Variants in FRAS1 observed in about 807,000 individuals in gnomAD.
FRAS1 encodes the protein extracellular matrix organizing protein FRAS1.
In FRAS1, 290 loss-of-function variants were observed where a neutral mutation model predicts 435.2. That is an observed-to-expected ratio of 0.67 (90% CI 0.61 to 0.73). FRAS1 has a LOEUF of 0.73. FRAS1 is among the 30% of genes least tolerant of loss of function. The pLI is 0.00. For missense variants in FRAS1, 4,860 were observed against 5,001.5 expected (o/e 0.97, Z 0.85); for synonymous variants, 1,800 against 1,851.0 (o/e 0.97, Z 0.71).
chr4:78,333,560 GA>G, intron 19 of FRAS1, 148 bp downstream of exon 19: 1 of 776,646 alleles, frequency 1.3e-6, no homozygotes, highest in Non-Finnish European at 2.0e-6. Context: ...TCAAAGTATA[GA>G]GGGAGGGGAA....
chr4:78,512,293 T>A (rs1721066188), intron 64 of FRAS1, among the ~76,000 whole-genome samples: 1 of 152,218 alleles, frequency 6.6e-6, no homozygotes, highest in South Asian at 2.1e-4. Flanking sequence ...AAAAATGAGT[T>A]CCTTTGTATG....
chr4:78,313,733 T>C (rs905561921), intron 15 of FRAS1, among the ~76,000 whole-genome samples: 7 of 152,324 alleles, frequency 4.6e-5, no homozygotes, highest in Non-Finnish European at 8.8e-5. Context: ...AAAAATTCTT[T>C]CCAGTTTCTA....
intron 2 of FRAS1, among the ~76,000 whole-genome samples, chr4:78,210,453 C>T (rs746491464): frequency 1.3e-5 from 2 of 152,230 alleles, no homozygotes; most frequent in South Asian, 4.1e-4. Context: ...GCACCAAATA[C>T]AGTGTCTGGT....
At chr4:78,113,064 G>A (rs1391140321) in intron 2 of FRAS1, among the ~76,000 whole-genome samples, 1 of 152,140 alleles carries the variant, frequency 6.6e-6, no homozygotes, top group East Asian at 1.9e-4. Context: ...ACCTATGAGT[G>A]AGAACATGCG....
chr4:78,305,161 G>T (rs1303265657), intron 14 of FRAS1, among the ~76,000 whole-genome samples: 2 of 151,882 alleles, frequency 1.3e-5, no homozygotes, highest in Non-Finnish European at 2.9e-5. Context: ...TTTCCATGTA[G>T]TTGAGTGGTT....
intron 2 of FRAS1, among the ~76,000 whole-genome samples, chr4:78,130,748 G>T (rs1719643547): frequency 6.6e-6 from 1 of 152,130 alleles, no homozygotes; most frequent in Non-Finnish European, 1.5e-5. Flanking sequence ...AGAGAGAAAA[G>T]GGTAAAGTCA....
intron 27 of FRAS1, among the ~76,000 whole-genome samples, chr4:78,381,517 T>A (rs1173564856): frequency 6.6e-6 from 1 of 152,234 alleles, no homozygotes; most frequent in Non-Finnish European, 1.5e-5. Context: ...CTCGAACTCC[T>A]GACTGCAAGT....
rs6821315 is a variant in FRAS1, at chr4:78,266,773, G to T, written c.688-61G>T. ...AAAATTGGGTGTCTTATGTGACAGTGCTTCTATTTGATGTATGGGACATTT... is the reference window on the plus strand; with the variant it reads ...AAAATTGGGTGTCTTATGTGACAGTTCTTCTATTTGATGTATGGGACATTT... On this transcript the variant is annotated intron_variant, in intron 7 of 73. Coordinates refer to ENST00000512123, the MANE Select transcript of FRAS1 (RefSeq NM_025074.7). 9 of 1,254,152 alleles carry T rather than the reference G, an allele frequency of 7.2e-6. No homozygotes were observed. The African/African-American group carries it at 1.3e-4, about 19-fold the overall frequency. 77.7% of individuals were successfully genotyped at this position (1,254,152 alleles called of 1,614,324 possible). A position where few individuals can be genotyped will look rare whatever the true frequency, so the allele number is the denominator to read the frequency against.
chr4:78,421,712 A>G, intron 33 of FRAS1, 151 bp from the exon 34 acceptor site: 1 of 811,524 alleles, frequency 1.2e-6, no homozygotes, highest in African/African-American at 1.7e-5. Flanking sequence ...TTAAATAACC[A>G]GAGAGTGGCA....
Position 78,407,661 on chromosome 4 carries a change from AG to A in FRAS1, c.4132del. On this transcript the variant is annotated splice_acceptor_variant, in intron 30 of 73. Coordinates refer to ENST00000512123, the MANE Select transcript of FRAS1 (RefSeq NM_025074.7). LOFTEE classifies it high-confidence loss of function. Reference sequence around the variant, plus strand: ...CTAACTATGTGGCCTGTGCCTTCCTAGGGGAGGTGGTCCTTCTAGTGAATAT... The same window carrying A: ...CTAACTATGTGGCCTGTGCCTTCCTAGGGAGGTGGTCCTTCTAGTGAATAT... 1 of 1,610,174 alleles carries A rather than the reference AG, an allele frequency of 6.2e-7. No homozygotes were observed. The highest frequency in any genetic ancestry group is 8.5e-7 in the Non-Finnish European group (1 of 1,178,246).
At chr4:78,191,846 C>T (rs1431190999) in intron 2 of FRAS1, among the ~76,000 whole-genome samples, 5 of 152,160 alleles carry the variant, frequency 3.3e-5, no homozygotes, top group African/African-American at 4.8e-5. Context: ...CCAGCTTCAT[C>T]CATGTCCCTA....
intron 2 of FRAS1, among the ~76,000 whole-genome samples, chr4:78,164,643 G>A (rs140516583): frequency 1.3e-5 from 2 of 152,092 alleles, no homozygotes; most frequent in African/African-American, 2.4e-5. Context: ...TGTTAAAAAC[G>A]TTTTTAAAAA....
chr4:78,320,850 C>A (rs1431986066), intron 18 of FRAS1, among the ~76,000 whole-genome samples: 1 of 152,110 alleles, frequency 6.6e-6, no homozygotes, highest in African/African-American at 2.4e-5. Flanking sequence ...CCAAGTGAGA[C>A]CCCTGGCTTT....
Position 78,475,539 on chromosome 4 carries a change from C to T in FRAS1, c.7784C>T (p.Thr2595Ile). The change falls in exon 54 of 74, where the codon ACC (threonine) becomes ATC (isoleucine). Residue 2595 changes from threonine (T) to isoleucine (I), a missense_variant. Physicochemically the swap from Thr to Ile is moderately conservative, Grantham distance 89 (BLOSUM62 -1). Transcript: ENST00000512123. ...GTCCTGTGTCGCACCGAGCAAGGCA[C>T]CGCCAGCTCCAGCTCCAGGGTCAGC... ...AIVLCRTEQG[T>I]ASSSSRVSSQ... 3.7e-6 allele frequency: 6 copies of T among 1,613,718 alleles called. No individual in the cohort carries two copies. Among genetic ancestry groups the T allele is most frequent in the Non-Finnish European group, 5.1e-6 (6 of 1,179,718 alleles).
chr4:78,092,506 T>C (rs1741585135), intron 2 of FRAS1, among the ~76,000 whole-genome samples: 1 of 152,200 alleles, frequency 6.6e-6, no homozygotes, highest in South Asian at 2.1e-4. Context: ...ACAGCTCTCA[T>C]GAGACCCAGT....
At chr4:78,116,653 C>T (rs1018417863) in intron 2 of FRAS1, among the ~76,000 whole-genome samples, 3 of 152,128 alleles carry the variant, frequency 2.0e-5, no homozygotes, top group Non-Finnish European at 4.4e-5. Flanking sequence ...GGATTGCAAT[C>T]CCTGCCTTTT....
chr4:78,276,223 T>G (rs1338266228), intron 9 of FRAS1, among the ~76,000 whole-genome samples: 1 of 152,212 alleles, frequency 6.6e-6, no homozygotes, highest in Admixed American at 6.5e-5. Context: ...TGTCTAATCT[T>G]TTTTCAAGGT....
chr4:78,144,451 AGTGTGTGTGTGT>A (rs144059150), intron 2 of FRAS1, among the ~76,000 whole-genome samples: 1 of 146,500 alleles, frequency 6.8e-6, no homozygotes, highest in South Asian at 2.2e-4. Context: ...TTTTAAAATA[AGTGTGTGTGTGT>A]GTGTGTGTGT....
chr4:78,317,478 G>C lies in FRAS1; in HGVS notation c.1930G>C (p.Gly644Arg), dbSNP rs774824172. The C allele has an allele frequency of 3.7e-6, 6 of 1,613,562 alleles. No homozygotes were observed. In the East Asian group the frequency reaches 1.3e-4, roughly 36 times the overall value. ...QGHCLPRCGE[G>R]FYSDHGVCKA... ...CCACTGTCTGCCCCGCTGTGGAGAG[G>C]GTTTCTACTCTGACCATGGAGTCTG... The change falls in exon 17 of 74, where the codon GGT (glycine) becomes CGT (arginine). Residue 644 changes from glycine to arginine, a missense_variant. Transcript: ENST00000512123.
Sources: gnomAD v4.1 joint callset for allele counts (sites outside exome capture counted in the v4.1 genomes callset) on GRCh38, gnomAD v4.1.1 for gene constraint, MANE v1.5 for transcripts, NCBI Gene and HGNC (gene_info 2026-07-23, HGNC 2026-07-21) for gene names.